Variants in RECK observed in about 807,000 individuals in gnomAD.
The protein encoded by RECK is reversion-inducing cysteine-rich protein with Kazal motifs.
Under a neutral mutation model 115.1 loss-of-function variants are expected in RECK, and 69 were observed. The ratio of observed to expected loss-of-function variants is 0.60; its 90% CI spans 0.49 to 0.73. The LOEUF (loss-of-function observed/expected upper bound fraction) is 0.73. RECK is among the 30% of genes least tolerant of loss of function. The probability of loss-of-function intolerance (pLI) is 0.00; values close to 1 mark genes in which losing one functional copy is unlikely to be tolerated. For missense variants in RECK, 1,047 were observed against 1,203.7 expected, an observed-to-expected ratio of 0.87 and a Z score of 1.93; for synonymous variants, 414 against 419.7, an observed-to-expected ratio of 0.99 and a Z score of 0.17.
chr9:36,098,957 G>C (rs773352685), intron 10 of RECK, among the ~76,000 whole-genome samples: 1 of 152,164 alleles, frequency 6.6e-6, no homozygotes, highest in Non-Finnish European at 1.5e-5. Context: ...CAGGCATGAT[G>C]GCTCACACCT....
chr9:36,123,878 A>G lies in RECK; in HGVS notation c.*833A>G, dbSNP rs1446614832. 1.3e-5 allele frequency: 2 copies of G among 152,696 alleles called. No individual in the cohort carries two copies. Among genetic ancestry groups the G allele is most frequent in the Admixed American group, 1.3e-4 (2 of 15,292 alleles). 9.5% of individuals were successfully genotyped at this position (152,696 alleles called of 1,614,324 possible). On this transcript the variant is annotated 3_prime_UTR_variant, in exon 21 of 21. Coordinates refer to ENST00000377966, the MANE Select transcript of RECK (RefSeq NM_021111.3). ...AATTGCTGCTACTTATATAATTGCCAAAAAGTGAAATAATGTGTAGTTCAT... is the reference window on the plus strand; with the variant it reads ...AATTGCTGCTACTTATATAATTGCCGAAAAGTGAAATAATGTGTAGTTCAT...
chr9:36,117,219 A>G lies in RECK; in HGVS notation c.2253+42A>G, dbSNP rs557668409. On this transcript the variant is annotated intron_variant, in intron 17 of 20. Transcript: ENST00000377966. ...GACAAAACAAAGTACACTACGGATA[A>G]AATTGGTTTATGATATTTTACAGAT... is the stretch of plus-strand genomic sequence containing the variant. 19 of 1,484,792 alleles carry G rather than the reference A, an allele frequency of 1.3e-5. No individual in the cohort carries two copies. In the Admixed American group the frequency reaches 3.7e-4, roughly 29 times the overall value. The allele number at this position is 1,484,792 out of a possible 1,614,324, so 92.0% of individuals were successfully genotyped here.
intron 4 of RECK, 58 bp from the exon 5 acceptor site, chr9:36,063,737 A>T: frequency 2.7e-6 from 4 of 1,489,084 alleles, no homozygotes; most frequent in Non-Finnish European, 9.3e-7. Context: ...AACATCTGGC[A>T]TGCTATCTCT....
intron 6 of RECK, among the ~76,000 whole-genome samples, chr9:36,078,028 T>A (rs571403231): frequency 2.0e-4 from 15 of 76,324 alleles, no homozygotes; most frequent in East Asian, 3.5e-4. Context: ...TTAAAAAAAA[T>A]TTTTTAATTT....
chr9:36,041,633 A>G (rs574337011), intron 1 of RECK, among the ~76,000 whole-genome samples: 8 of 152,336 alleles, frequency 5.3e-5, no homozygotes, highest in South Asian at 2.1e-4. Flanking sequence ...AGGGACTGCT[A>G]CAGGAACTAG....
At chr9:36,097,743 C>T (rs982149313) in intron 10 of RECK, among the ~76,000 whole-genome samples, 1 of 152,142 alleles carries the variant, frequency 6.6e-6, no homozygotes, top group Non-Finnish European at 1.5e-5. Context: ...TTCACTGCAG[C>T]ATTATTTACA....
At chr9:36,091,892 G>A (rs915754158) in intron 10 of RECK, among the ~76,000 whole-genome samples, 14 of 152,122 alleles carry the variant, frequency 9.2e-5, no homozygotes, top group African/African-American at 2.9e-4. Context: ...AGAGGGCACC[G>A]GAAGCACGAA....
intron 6 of RECK, among the ~76,000 whole-genome samples, chr9:36,074,068 C>A (rs1374672725): frequency 1.3e-5 from 2 of 152,168 alleles, no homozygotes; most frequent in Non-Finnish European, 1.5e-5. Flanking sequence ...AACATCATTA[C>A]CTCTATTGAA....
At chr9:36,121,460 C>T in intron 19 of RECK, 73 bp from the exon 20 acceptor site, 4 of 1,449,046 alleles carry the variant, frequency 2.8e-6, no homozygotes, top group Non-Finnish European at 3.8e-6. Context: ...CAGCTGGCAG[C>T]CCAAAGCAAG....
rs758273241 is a variant in RECK at position 36,102,227 on chromosome 9, C to T, written c.1432C>T (p.Leu478Phe). 2.5e-6 allele frequency: 4 copies of T among 1,597,872 alleles called. No homozygotes were observed. The highest frequency in any genetic ancestry group is 3.4e-6 in the Non-Finnish European group (4 of 1,174,472). The change falls in exon 12 of 21, where the codon CTC becomes TTC. Residue 478 changes from leucine (L) to phenylalanine (F), a missense_variant. Leu to Phe is a conservative substitution (Grantham distance 22). Transcript: ENST00000377966. ...GAATTGTATACCTTTGGATACATACCTCAGTAAGTACTTTTTTGTATGTGT... is the reference window on the plus strand; with the variant it reads ...GAATTGTATACCTTTGGATACATACTTCAGTAAGTACTTTTTTGTATGTGT... ...LKNCIPLDTY[L>F]RPSTLGNIVE... is the part of the protein sequence containing the mutation.
chr9:36,117,929 G>A (rs970490664), intron 17 of RECK, among the ~76,000 whole-genome samples: 3 of 152,080 alleles, frequency 2.0e-5, no homozygotes, highest in African/African-American at 7.2e-5. Context: ...GCAGTGAGCC[G>A]AGATCATGCC....
At chr9:36,043,118 G>A (rs1317757993) in intron 1 of RECK, among the ~76,000 whole-genome samples, 11 of 134,818 alleles carry the variant, frequency 8.2e-5, no homozygotes, top group Non-Finnish European at 1.5e-4. Flanking sequence ...TCCGCCTCCC[G>A]GGTTCACGCC....
At position 36,080,556 on chromosome 9, in the gene RECK, T is replaced by C. The variant is rs757333714; in HGVS notation, c.406-49T>C. On this transcript the variant is annotated intron_variant, in intron 6 of 20. Transcript: ENST00000377966. Reference sequence around the variant, plus strand: ...CCATAAAGTGGAATTAAATTACAAATTCTCTCTGGTTGTTAATTTCTGTTT... The same window carrying C: ...CCATAAAGTGGAATTAAATTACAAACTCTCTCTGGTTGTTAATTTCTGTTT... The C allele has an allele frequency of 2.1e-5, 31 of 1,446,846 alleles. No homozygotes were observed. In the South Asian group the frequency reaches 3.2e-4, roughly 15 times the overall value. 89.6% of individuals were successfully genotyped at this position (1,446,846 alleles called of 1,614,324 possible).
chr9:36,108,424 C>T (rs1312026443), intron 14 of RECK, among the ~76,000 whole-genome samples: 6 of 152,148 alleles, frequency 3.9e-5, no homozygotes, highest in African/African-American at 1.4e-4. Context: ...TCTTGCCTTA[C>T]ATTATCTCAT....
At chr9:36,089,338 A>T (rs1823077092) in intron 9 of RECK, among the ~76,000 whole-genome samples, 1 of 152,210 alleles carries the variant, frequency 6.6e-6, no homozygotes, top group Non-Finnish European at 1.5e-5. Flanking sequence ...ACCTTGATAC[A>T]GGGTTTTATG....
chr9:36,121,432 C>T lies in RECK; in HGVS notation c.2539-101C>T, dbSNP rs528879474. 3.4e-5 allele frequency: 37 copies of T among 1,101,946 alleles called. No individual in the cohort carries two copies. The South Asian group carries it at 4.0e-4, about 12-fold the overall frequency. 68.3% of individuals were successfully genotyped at this position (1,101,946 alleles called of 1,614,324 possible). A position where few individuals can be genotyped will look rare whatever the true frequency, so the allele number is the denominator to read the frequency against. ...GTTGGGCCTTCCGCTGAGGGCTGTGCGGTCAAAAGAGCCTCCTCAGCTGGC... is the reference window on the plus strand; with the variant it reads ...GTTGGGCCTTCCGCTGAGGGCTGTGTGGTCAAAAGAGCCTCCTCAGCTGGC... On this transcript the variant is annotated intron_variant, in intron 19 of 20. Coordinates refer to ENST00000377966, the MANE Select transcript of RECK (RefSeq NM_021111.3).
At chr9:36,106,126 C>T (rs35178345) in intron 13 of RECK, among the ~76,000 whole-genome samples, 11,550 of 145,754 alleles carry the variant, frequency 0.079, 596 homozygotes, top group Non-Finnish European at 0.096. Context: ...AGGAGAATGG[C>T]GTGAACCCGG....
chr9:36,095,537 G>C (rs969223523), intron 10 of RECK, among the ~76,000 whole-genome samples: 8 of 152,204 alleles, frequency 5.3e-5, no homozygotes, highest in Non-Finnish European at 7.3e-5. Flanking sequence ...CTATTGTCCT[G>C]TGTCACTCAG....
chr9:36,038,808 A>C (rs563823168), intron 1 of RECK, among the ~76,000 whole-genome samples: 3 of 150,560 alleles, frequency 2.0e-5, no homozygotes, highest in South Asian at 4.4e-4. Flanking sequence ...CAAACAAACA[A>C]ACAACAAAAA....
Sources: allele counts gnomAD v4.1 joint callset (sites outside exome capture counted in the v4.1 genomes callset), GRCh38; gene constraint gnomAD v4.1.1; transcripts MANE v1.5; gene names NCBI Gene and HGNC (gene_info 2026-07-23, HGNC 2026-07-21).